Variants in GPHN observed in about 807,000 individuals in gnomAD.
GPHN encodes gephyrin.
A neutral mutation model predicts 95.5 loss-of-function variants in GPHN; 17 were observed. The ratio of observed to expected loss-of-function variants is 0.18; its 90% CI spans 0.12 to 0.27. The LOEUF (loss-of-function observed/expected upper bound fraction) is 0.27, where lower values mean the gene tolerates loss of function less well. Among genes scored for constraint, GPHN ranks in the 10% least tolerant of loss-of-function variants. GPHN has a pLI of 1.00. For missense variants in GPHN, 660 were observed against 978.1 expected (o/e 0.67, Z 4.34); for synonymous variants, 320 against 322.5 (o/e 0.99, Z 0.08).
chr14:67,239,927 G>T, the GPHN span, among the ~76,000 whole-genome samples: 1 of 152,104 alleles, frequency 6.6e-6, no homozygotes, highest in East Asian at 1.9e-4. Context: ...TTCTTTTGGG[G>T]TATGGCTAGT....
the GPHN span, among the ~76,000 whole-genome samples, chr14:67,492,469 C>T: frequency 6.6e-6 from 1 of 152,238 alleles, no homozygotes; most frequent in Non-Finnish European, 1.5e-5. Context: ...GCCTCACAGC[C>T]TCACTGGCAA....
chr14:67,489,831 G>T, the GPHN span, among the ~76,000 whole-genome samples: 1 of 152,006 alleles, frequency 6.6e-6, no homozygotes, highest in Admixed American at 6.6e-5. Context: ...TCTACTAAAA[G>T]CACAAAAAAT....
Position 66,904,644 on chromosome 14 carries a change from C to A in GPHN, c.390-11359C>A, listed in dbSNP as rs762466004. The stretch of plus-strand genomic sequence containing the variant: ...GCCCCCTTTAGACAGGACACCCCAA[C>A]TGCTGTTGGGAATTGGGCGATGCTT... On this transcript the variant is annotated intron_variant, in intron 5 of 22. Coordinates refer to ENST00000478722, the MANE Select transcript of GPHN (RefSeq NM_020806.5). 2.0e-5 allele frequency among the ~76,000 whole-genome samples: 3 copies of A among 152,268 alleles called. No individual in the cohort carries two copies. The South Asian group carries it at 6.2e-4, about 32-fold the overall frequency.
At chr14:66,933,006 T>C (rs1024621211) in intron 8 of GPHN, among the ~76,000 whole-genome samples, 55 of 152,238 alleles carry the variant, frequency 3.6e-4, no homozygotes, top group African/African-American at 1.3e-3. Context: ...TGTTCTCATA[T>C]AGCATCAGTG....
At chr14:67,016,864 AAT>A (rs1290000654) in intron 9 of GPHN, among the ~76,000 whole-genome samples, 2 of 152,214 alleles carry the variant, frequency 1.3e-5, no homozygotes, top group East Asian at 1.9e-4. Context: ...ACCTATATAA[AAT>A]ATATGTGACT....
the GPHN span, among the ~76,000 whole-genome samples, chr14:67,263,579 A>G: frequency 6.6e-6 from 1 of 152,200 alleles, no homozygotes; most frequent in Non-Finnish European, 1.5e-5. Context: ...GACTAAAGAA[A>G]AATAATGGCA....
the GPHN span, among the ~76,000 whole-genome samples, chr14:67,705,266 C>T: frequency 6.6e-6 from 1 of 152,210 alleles, no homozygotes; most frequent in African/African-American, 2.4e-5. Flanking sequence ...TCCTTGGCTA[C>T]AGATGACAAC....
At chr14:67,279,359 G>GGAGGACATGAGGCGTAGGAGA in the GPHN span, 3 of 1,613,902 alleles carry the variant, frequency 1.9e-6, no homozygotes, top group Admixed American at 5.0e-5. Context: ...GGCAACAACA[G>GGAGGACATGAGGCGTAGGAGA]GAGGACATGA....
the GPHN span, among the ~76,000 whole-genome samples, chr14:67,306,973 A>C: frequency 6.6e-6 from 1 of 152,212 alleles, no homozygotes; most frequent in African/African-American, 2.4e-5. Context: ...AAATGTGTTT[A>C]AGACAGATAT....
At chr14:67,537,998 A>G in the GPHN span, among the ~76,000 whole-genome samples, 1 of 152,238 alleles carries the variant, frequency 6.6e-6, no homozygotes, top group Non-Finnish European at 1.5e-5. Context: ...GAAAACTATG[A>G]GTTTCATAAG....
chr14:67,093,181 A>G (rs749628576), intron 12 of GPHN, among the ~76,000 whole-genome samples: 1 of 152,146 alleles, frequency 6.6e-6, no homozygotes, highest in African/African-American at 2.4e-5. Flanking sequence ...GGGTAGAGAG[A>G]ATTTAAAAAT....
chr14:66,944,186 C>T (rs996699388), intron 8 of GPHN, among the ~76,000 whole-genome samples: 3 of 152,200 alleles, frequency 2.0e-5, no homozygotes, highest in African/African-American at 4.8e-5. Flanking sequence ...CCGACTTTAG[C>T]GATGCCAAGT....
At chr14:66,570,295 C>CTTTT (rs535461102) in intron 1 of GPHN, among the ~76,000 whole-genome samples, 6 of 100,100 alleles carry the variant, frequency 6.0e-5, no homozygotes, top group Admixed American at 2.2e-4. Context: ...ATTTCATGTA[C>CTTTT]TTTTTTTTTT....
intron 8 of GPHN, among the ~76,000 whole-genome samples, chr14:66,955,900 G>A (rs1167850769): frequency 2.0e-5 from 3 of 152,058 alleles, no homozygotes; most frequent in South Asian, 2.1e-4. Flanking sequence ...TTTTTTTATG[G>A]CTGCATAGTA....
intron 1 of GPHN, among the ~76,000 whole-genome samples, chr14:66,652,259 C>T (rs2065079717): frequency 6.6e-6 from 1 of 152,096 alleles, no homozygotes; most frequent in African/African-American, 2.4e-5. Flanking sequence ...AAAATATTCA[C>T]TTCATTCCCC....
chr14:67,199,506 T>A, the GPHN span: 4 of 1,613,070 alleles, frequency 2.5e-6, no homozygotes, highest in Admixed American at 6.7e-5. Context: ...TTTATTAATT[T>A]TGCTTCATTT....
At chr14:67,133,695 T>C (rs1013023374) in intron 17 of GPHN, among the ~76,000 whole-genome samples, 1 of 152,186 alleles carries the variant, frequency 6.6e-6, no homozygotes, top group Non-Finnish European at 1.5e-5. Flanking sequence ...TCACAGAAAC[T>C]GATGAGTACA....
At chr14:66,856,293 A>G (rs1233963894) in intron 4 of GPHN, among the ~76,000 whole-genome samples, 1 of 152,152 alleles carries the variant, frequency 6.6e-6, no homozygotes, top group Non-Finnish European at 1.5e-5. Flanking sequence ...TGCTAATTCA[A>G]ACAATTTATA....
intron 2 of GPHN, among the ~76,000 whole-genome samples, chr14:66,718,443 G>A (rs1439674375): frequency 6.6e-6 from 1 of 152,128 alleles, no homozygotes; most frequent in African/African-American, 2.4e-5. Flanking sequence ...TAAAGGTAGT[G>A]CGGACCCAAA....
Sources: gnomAD v4.1 joint callset for allele counts (sites outside exome capture counted in the v4.1 genomes callset) on GRCh38, gnomAD v4.1.1 for gene constraint, MANE v1.5 for transcripts, NCBI Gene and HGNC (gene_info 2026-07-23, HGNC 2026-07-21) for gene names.